Variants in KCNB2 observed in about 807,000 individuals in gnomAD.
KCNB2 encodes delayed rectifier potassium channel protein.
KCNB2 carries 15 observed loss-of-function variants against 61.5 expected under a neutral mutation model. That is an observed-to-expected ratio of 0.24 (90% CI 0.16 to 0.38). KCNB2 has a LOEUF of 0.38. KCNB2 is among the 10% of genes least tolerant of loss of function. KCNB2 has a pLI of 1.00. For synonymous variants in KCNB2, 457 were observed against 446.0 expected (o/e 1.02, Z -0.31); for missense variants, 828 against 1,125.2 (o/e 0.74, Z 3.78).
chr8:72,698,491 T>A (rs1432475418), intron 2 of KCNB2, among the ~76,000 whole-genome samples: 2 of 152,120 alleles, frequency 1.3e-5, no homozygotes, highest in Non-Finnish European at 2.9e-5. Context: ...ACATCATTTT[T>A]CACAGAATTA....
At chr8:72,718,629 A>G (rs888643280) in intron 2 of KCNB2, among the ~76,000 whole-genome samples, 4 of 138,390 alleles carry the variant, frequency 2.9e-5, no homozygotes, top group Non-Finnish European at 1.6e-5. Context: ...ACACATGGAC[A>G]CAGGAAGGGG....
chr8:72,817,295 G>A (rs926370385), intron 2 of KCNB2, among the ~76,000 whole-genome samples: 5 of 151,960 alleles, frequency 3.3e-5, no homozygotes, highest in African/African-American at 7.3e-5. Context: ...TCCCCTTCTC[G>A]CCGTACACCC....
chr8:72,542,635 A>T (rs947401606), intron 1 of KCNB2, among the ~76,000 whole-genome samples: 1 of 152,190 alleles, frequency 6.6e-6, no homozygotes, highest in Non-Finnish European at 1.5e-5. Flanking sequence ...CACTTGAGAT[A>T]CAGAGGTGAA....
intron 2 of KCNB2, among the ~76,000 whole-genome samples, chr8:72,800,981 C>A (rs888632923): frequency 2.0e-5 from 3 of 152,180 alleles, no homozygotes; most frequent in Non-Finnish European, 2.9e-5. Flanking sequence ...AAGTGTCCCT[C>A]ACATTATGTT....
chr8:72,793,406 G>GA lies in KCNB2; in HGVS notation c.580-142525dup, dbSNP rs374727560. 2.2e-3 allele frequency among the ~76,000 whole-genome samples: 332 copies of GA among 152,308 alleles called. 2 individuals are homozygous for GA. Among genetic ancestry groups the GA allele is most frequent in the African/African-American group, 7.7e-3 (322 of 41,560 alleles). On this transcript the variant is annotated intron_variant, in intron 2 of 2. Transcript: ENST00000523207. Reference sequence around the variant, plus strand: ...AATGACAAGAAGGAGCCAGCCTTGTGAAAATCTAAGGAGAACACATTTGGA... The same window carrying GA: ...AATGACAAGAAGGAGCCAGCCTTGTGAAAAATCTAAGGAGAACACATTTGGA...
intron 2 of KCNB2, among the ~76,000 whole-genome samples, chr8:72,607,666 A>C (rs1468176054): frequency 6.6e-6 from 1 of 152,186 alleles, no homozygotes; most frequent in African/African-American, 2.4e-5. Flanking sequence ...TAATCCTCAG[A>C]TATAGCTATA....
chr8:72,826,704 G>C (rs1365398702), intron 2 of KCNB2, among the ~76,000 whole-genome samples: 1 of 152,282 alleles, frequency 6.6e-6, no homozygotes, highest in Non-Finnish European at 1.5e-5. Context: ...ACTCCTTAGA[G>C]TCTTCCCTAT....
At chr8:72,770,701 G>T (rs564391894) in intron 2 of KCNB2, among the ~76,000 whole-genome samples, 1 of 152,210 alleles carries the variant, frequency 6.6e-6, no homozygotes, top group Non-Finnish European at 1.5e-5. Context: ...AATAATCCAT[G>T]TAAAAGGCTT....
chr8:72,764,250 A>C (rs1018979002), intron 2 of KCNB2, among the ~76,000 whole-genome samples: 3 of 152,176 alleles, frequency 2.0e-5, no homozygotes, highest in Non-Finnish European at 4.4e-5. Context: ...CCAGCACCTG[A>C]CTGGAGCAGA....
chr8:72,591,878 G>A (rs976770988), intron 2 of KCNB2, among the ~76,000 whole-genome samples: 12 of 152,066 alleles, frequency 7.9e-5, no homozygotes, highest in African/African-American at 2.9e-4. Context: ...TATAATGTTA[G>A]CCTTTTGAAT....
At chr8:72,698,458 A>G (rs900073353) in intron 2 of KCNB2, among the ~76,000 whole-genome samples, 1 of 152,192 alleles carries the variant, frequency 6.6e-6, no homozygotes, top group Non-Finnish European at 1.5e-5. Context: ...TACAGATTCA[A>G]CACTATTCCT....
intron 2 of KCNB2, among the ~76,000 whole-genome samples, chr8:72,650,088 A>G (rs1242378451): frequency 6.6e-6 from 1 of 152,196 alleles, no homozygotes; most frequent in African/African-American, 2.4e-5. Context: ...AATTATACAG[A>G]GAAGCCTGTA....
chr8:72,906,331 T>C (rs1351827024), intron 2 of KCNB2, among the ~76,000 whole-genome samples: 4 of 152,222 alleles, frequency 2.6e-5, no homozygotes, highest in African/African-American at 4.8e-5. Context: ...CAGTCCCCTA[T>C]AGATCTTATG....
At chr8:72,897,620 G>T (rs1445811096) in intron 2 of KCNB2, among the ~76,000 whole-genome samples, 1 of 152,142 alleles carries the variant, frequency 6.6e-6, no homozygotes, top group Non-Finnish European at 1.5e-5. Context: ...ATGCAAAACT[G>T]AAGCTTAGGG....
At chr8:72,900,883 A>G (rs1486527552) in intron 2 of KCNB2, among the ~76,000 whole-genome samples, 1 of 152,220 alleles carries the variant, frequency 6.6e-6, no homozygotes, top group Non-Finnish European at 1.5e-5. Context: ...GAACACTTAT[A>G]CAACATTGGT....
chr8:72,562,146 A>C (rs1262199665), intron 1 of KCNB2, among the ~76,000 whole-genome samples: 2 of 152,128 alleles, frequency 1.3e-5, no homozygotes, highest in Non-Finnish European at 2.9e-5. Context: ...AATGTTAAAC[A>C]TCACTTACAA....
chr8:72,667,796 C>A (rs1362470275), intron 2 of KCNB2, among the ~76,000 whole-genome samples: 1 of 152,208 alleles, frequency 6.6e-6, no homozygotes, highest in Non-Finnish European at 1.5e-5. Context: ...AGATGTAAAT[C>A]AGATGTCACC....
At chr8:72,820,001 T>C (rs1471152551) in intron 2 of KCNB2, among the ~76,000 whole-genome samples, 1 of 152,138 alleles carries the variant, frequency 6.6e-6, no homozygotes, top group African/African-American at 2.4e-5. Context: ...ACACATGGTC[T>C]GTGTGCTTCT....
At chr8:72,591,055 C>A (rs1807090129) in intron 2 of KCNB2, among the ~76,000 whole-genome samples, 1 of 152,094 alleles carries the variant, frequency 6.6e-6, no homozygotes, top group Non-Finnish European at 1.5e-5. Flanking sequence ...ATATTTCACT[C>A]AACTTTTAAA....
Sources: gnomAD v4.1 joint callset for allele counts (sites outside exome capture counted in the v4.1 genomes callset) on GRCh38, gnomAD v4.1.1 for gene constraint, MANE v1.5 for transcripts, NCBI Gene and HGNC (gene_info 2026-07-23, HGNC 2026-07-21) for gene names.